Variants in DHX8 observed in about 807,000 individuals in gnomAD.
The protein encoded by DHX8 is ATP-dependent RNA helicase DHX8.
In DHX8, 67 loss-of-function variants were observed where a neutral mutation model predicts 140.7. That is an observed-to-expected ratio of 0.48 (90% CI 0.39 to 0.58). The LOEUF is 0.58. DHX8 is among the 20% of genes least tolerant of loss of function. DHX8 has a pLI of 0.00. For missense variants in DHX8, 887 were observed against 1,550.7 expected, an observed-to-expected ratio of 0.57 and a Z score of 7.19; for synonymous variants, 533 against 553.2, an observed-to-expected ratio of 0.96 and a Z score of 0.51.
At chr17:43,488,764 T>C (rs780924735) in intron 1 of DHX8, among the ~76,000 whole-genome samples, 8 of 152,202 alleles carry the variant, frequency 5.3e-5, no homozygotes, top group Non-Finnish European at 8.8e-5. Context: ...TGTGTCTACA[T>C]GGGCTCATGC....
At chr17:43,530,195 A>T, downstream of DHX8, 3 of 1,553,306 alleles carry the variant, frequency 1.9e-6, no homozygotes, top group Middle Eastern at 1.7e-4. Context: ...TGGGGGAAGA[A>T]GGGGTGATGT....
intron 10 of DHX8, among the ~76,000 whole-genome samples, chr17:43,499,338 G>A (rs1969052183): frequency 6.6e-6 from 1 of 152,174 alleles, no homozygotes; most frequent in Non-Finnish European, 1.5e-5. Flanking sequence ...TGCTGGAGAG[G>A]GCAGAGCTGT....
At chr17:43,530,085 A>G, downstream of DHX8, 1 of 1,607,472 alleles carries the variant, frequency 6.2e-7, no homozygotes, top group Non-Finnish European at 8.5e-7. Flanking sequence ...AGGGCTTGGC[A>G]GGGGAAGGGG....
At chr17:43,489,004 G>T (rs965123896) in intron 1 of DHX8, among the ~76,000 whole-genome samples, 2 of 150,962 alleles carry the variant, frequency 1.3e-5, no homozygotes, top group East Asian at 3.9e-4. Context: ...TTCTTGTTTT[G>T]TTTTTTTTGT....
chr17:43,541,767 A>C lies in DHX8; in HGVS notation c.*21-2395A>C, dbSNP rs537695429. ...TCCCTTACCCTGCCCCCACCCTGGC[A>C]GCCTCTGTACTGGAAGGAACCAGTT... On this transcript the variant is annotated intron_variant, in intron 3 of 3. Coordinates refer to the DHX8 transcript ENST00000589898. Among the ~76,000 whole-genome samples, 8 of 152,234 alleles carry C rather than the reference A, an allele frequency of 5.3e-5. No homozygotes were observed. The South Asian group carries it at 1.7e-3, about 32-fold the overall frequency.
intron 17 of DHX8, among the ~76,000 whole-genome samples, chr17:43,516,300 G>A (rs546895272): frequency 5.3e-5 from 8 of 151,888 alleles, no homozygotes; most frequent in East Asian, 3.9e-4. Flanking sequence ...GGTTTTTTTC[G>A]CCTAGTCATT....
chr17:43,529,510 A>T, downstream of DHX8: 1 of 1,609,490 alleles, frequency 6.2e-7, no homozygotes, highest in Non-Finnish European at 8.5e-7. Context: ...CCACCTCCTC[A>T]GGCTCAATGA....
At chr17:43,490,127 G>A (rs1396823534) in intron 2 of DHX8, among the ~76,000 whole-genome samples, 1 of 152,118 alleles carries the variant, frequency 6.6e-6, no homozygotes, top group African/African-American at 2.4e-5. Context: ...ACAAGTTTTG[G>A]GGGTAGTTCT....
At chr17:43,500,218 C>A in intron 11 of DHX8, 115 bp downstream of exon 11, 3 of 1,199,926 alleles carry the variant, frequency 2.5e-6, no homozygotes, top group South Asian at 3.0e-5. Context: ...GGGGCGGTGG[C>A]TCATGCCTGT....
In DHX8 at chr17:43,508,333, TC is replaced by T; in HGVS notation, c.2321-5del. 6.2e-7 allele frequency: 1 copy of T among 1,610,008 alleles called. No individual in the cohort carries two copies. Among genetic ancestry groups the T allele is most frequent in the Non-Finnish European group, 8.5e-7 (1 of 1,177,874 alleles). On this transcript the variant is annotated splice_polypyrimidine_tract_variant and splice_region_variant and intron_variant, in intron 15 of 22. Transcript: ENST00000262415. Reference sequence around the variant, plus strand: ...AAAGTAGATGAATGTTCTATTCTGCTCGTAGGTGATATCCTGGTCTTCCTGA... The same window carrying T: ...AAAGTAGATGAATGTTCTATTCTGCTGTAGGTGATATCCTGGTCTTCCTGA...
At chr17:43,529,539 G>T, downstream of DHX8, 1 of 1,613,852 alleles carries the variant, frequency 6.2e-7, no homozygotes. Context: ...TCCATTCCCC[G>T]GCCCGTCCAG....
downstream of DHX8, chr17:43,528,434 C>T: frequency 1.1e-6 from 1 of 942,218 alleles, no homozygotes; most frequent in Non-Finnish European, 1.6e-6. Flanking sequence ...CTGTGGGTTT[C>T]AGATGAAGGT....
chr17:43,522,200 TG>T lies in DHX8; in HGVS notation c.3418del (p.Ala1140ProfsTer50), dbSNP rs1466793819. On this transcript the variant is annotated frameshift_variant, in exon 22 of 23. Transcript: ENST00000262415. LOFTEE classifies it high-confidence loss of function. ...AGGTGGTCTATATCCATCCTTCCAG[TG>T]CCCTCTTCAACAGACAGCCAGAATG... ...QQVVYIHPSS[A>X]LFNRQPEWVV... is the part of the protein sequence containing the mutation. The T allele has an allele frequency of 6.2e-7, 1 of 1,613,742 alleles. No homozygotes were observed. Among genetic ancestry groups the T allele is most frequent in the Non-Finnish European group, 8.5e-7 (1 of 1,179,874 alleles).
At chr17:43,529,826 C>T, downstream of DHX8, 1 of 1,603,242 alleles carries the variant, frequency 6.2e-7, no homozygotes, top group Non-Finnish European at 8.5e-7. Context: ...GATGTGACTC[C>T]TGCAGGGACA....
chr17:43,501,735 A>G (rs377275529), intron 11 of DHX8, among the ~76,000 whole-genome samples: 1 of 150,202 alleles, frequency 6.7e-6, no homozygotes, highest in African/African-American at 2.4e-5. Context: ...TCCCCCCCCC[A>G]TCTCAGCCTC....
intron 11 of DHX8, among the ~76,000 whole-genome samples, chr17:43,500,781 C>T (rs151192154): frequency 2.0e-5 from 3 of 151,874 alleles, no homozygotes; most frequent in African/African-American, 7.2e-5. Context: ...TGTGGTGGTG[C>T]GCGCCTGTAG....
At chr17:43,536,393 C>G in intron 2 of DHX8, 5 of 1,599,264 alleles carry the variant, frequency 3.1e-6, no homozygotes, top group Non-Finnish European at 4.3e-6. Context: ...ATCCTCCACT[C>G]CCTATACCCT....
At chr17:43,526,224 C>T (rs1970611720), downstream of DHX8, 2 of 985,320 alleles carry the variant, frequency 2.0e-6, no homozygotes, top group Non-Finnish European at 2.4e-6. Context: ...CCAGTATTTC[C>T]CAAGATTGAG....
At chr17:43,529,203 G>C (rs910270165), downstream of DHX8, 4 of 1,613,968 alleles carry the variant, frequency 2.5e-6, no homozygotes, top group Non-Finnish European at 3.4e-6. Flanking sequence ...TTCATGGCTG[G>C]CCGGTTCTTC....
Sources: allele counts gnomAD v4.1 joint callset (sites outside exome capture counted in the v4.1 genomes callset), GRCh38; gene constraint gnomAD v4.1.1; transcripts MANE v1.5; gene names NCBI Gene and HGNC (gene_info 2026-07-23, HGNC 2026-07-21).